The following MRPL3 variants were observed in gnomAD, a reference collection of about 807,000 sequenced individuals.
MRPL3 encodes the protein mitochondrial ribosomal protein L3, also known as large ribosomal subunit protein uL3m.
In MRPL3, 43 loss-of-function variants were observed where a neutral mutation model predicts 44.3. That is an observed-to-expected ratio of 0.97 (90% confidence interval 0.76 to 1.25). The LOEUF is 1.25. Ranked by LOEUF, MRPL3 falls within the 50% of genes most tolerant of loss-of-function variation. The probability of loss-of-function intolerance (pLI) is 0.00; values close to 1 mark genes in which losing one functional copy is unlikely to be tolerated. For synonymous variants in MRPL3, 171 were observed against 152.3 expected (o/e 1.12, Z -0.91); for missense variants, 406 against 427.6 (o/e 0.95, Z 0.45).
At position 131,502,639 on chromosome 3, in the gene MRPL3, C is replaced by T. The variant is rs1339465304; in HGVS notation, c.92+91G>A. ...TCCCACGTCTCAACAGAGCCCCTTC[C>T]TCCTCCACCCAGGGGAGGCCCAACT... On this transcript the variant is annotated intron_variant, in intron 1 of 9. Coordinates refer to ENST00000264995, the MANE Select transcript of MRPL3 (RefSeq NM_007208.4). 7 of 1,049,694 alleles carry T rather than the reference C, an allele frequency of 6.7e-6. No individual in the cohort carries two copies. The African/African-American group carries it at 8.1e-5, about 12-fold the overall frequency. The allele number at this position is 1,049,694 out of a possible 1,614,324, so 65.0% of individuals were successfully genotyped here.
intron 5 of MRPL3, 125 bp from the exon 6 acceptor site, chr3:131,487,865 C>A: frequency 1.5e-6 from 1 of 654,022 alleles, no homozygotes; most frequent in Non-Finnish European, 2.6e-6. Context: ...TTCTCTTCTG[C>A]AATTAGAAAC....
chr3:131,481,832 C>G (rs906436009), intron 6 of MRPL3, among the ~76,000 whole-genome samples: 2 of 152,112 alleles, frequency 1.3e-5, no homozygotes, highest in African/African-American at 4.8e-5. Context: ...CTTTGAATAC[C>G]CAGTACATAA....
At chr3:131,499,729 TATAATA>T (rs35694649) in intron 3 of MRPL3, among the ~76,000 whole-genome samples, 2 of 150,538 alleles carry the variant, frequency 1.3e-5, no homozygotes, top group African/African-American at 2.5e-5. Flanking sequence ...AGTATCTTTC[TATAATA>T]ATAATAATAA....
At chr3:131,482,469 C>T (rs867931747) in intron 6 of MRPL3, among the ~76,000 whole-genome samples, 43 of 150,576 alleles carry the variant, frequency 2.9e-4, no homozygotes, top group Middle Eastern at 3.4e-3. Context: ...GAGCCGAGAT[C>T]GTGCCACTGC....
At position 131,492,017 on chromosome 3, in the gene MRPL3, A is replaced by G. The variant is rs139556953; in HGVS notation, c.469-1937T>C. ...AAAAATGCACTCCCTTATTGGCCCA[A>G]GAACACATCAAACACTAGCCTCAAG... On this transcript the variant is annotated intron_variant, in intron 4 of 9. Transcript: ENST00000264995. Among the ~76,000 whole-genome samples the G allele has an allele frequency of 6.0e-3, 914 of 152,238 alleles. 2 individuals are homozygous for G. The highest frequency in any genetic ancestry group is 9.6e-3 in the Non-Finnish European group (653 of 68,020).
At chr3:131,493,975 T>A (rs909960539) in intron 4 of MRPL3, among the ~76,000 whole-genome samples, 1 of 152,234 alleles carries the variant, frequency 6.6e-6, no homozygotes, top group African/African-American at 2.4e-5. Context: ...CTTTAGTTAC[T>A]TGTTCAGTTT....
chr3:131,490,477 G>A (rs761403806), intron 4 of MRPL3, among the ~76,000 whole-genome samples: 8 of 152,180 alleles, frequency 5.3e-5, no homozygotes, highest in Non-Finnish European at 1.0e-4. Context: ...AACACGGTAT[G>A]TTACATTTAA....
At position 131,480,837 on chromosome 3, in the gene MRPL3, G is replaced by T. The variant is rs551232509; in HGVS notation, c.629+6843C>A. ...TATTATTTCTTTAGTATAGATAAGG[G>T]TGAGTTATGCCACTTGGAAAACTGA... On this transcript the variant is annotated intron_variant, in intron 6 of 9. Transcript: ENST00000264995. Among the ~76,000 whole-genome samples, 40 of 152,318 alleles carry T rather than the reference G, an allele frequency of 2.6e-4. No individual in the cohort carries two copies. The South Asian group carries it at 3.9e-3, about 15-fold the overall frequency.
rs1476518567 is a variant in MRPL3, at chr3:131,469,789, A to G, written c.739-16T>C. Reference sequence around the variant, plus strand: ...TGCCAATATCCTAAATGAGAAAACTAAAGTTAACACTTTTAAGTACTATCA... The same window carrying G: ...TGCCAATATCCTAAATGAGAAAACTGAAGTTAACACTTTTAAGTACTATCA... On this transcript the variant is annotated splice_polypyrimidine_tract_variant and intron_variant, in intron 7 of 9. Coordinates refer to ENST00000264995, the MANE Select transcript of MRPL3 (RefSeq NM_007208.4). The G allele has an allele frequency of 1.9e-6, 3 of 1,578,440 alleles. No individual in the cohort carries two copies. The highest frequency in any genetic ancestry group is 8.7e-7 in the Non-Finnish European group (1 of 1,149,608).
At chr3:131,502,297 G>A (rs1351987749) in intron 1 of MRPL3, among the ~76,000 whole-genome samples, 1 of 152,210 alleles carries the variant, frequency 6.6e-6, no homozygotes, top group Non-Finnish European at 1.5e-5. Flanking sequence ...CTCTCCTTTT[G>A]TAGTCAGATA....
chr3:131,491,379 G>C (rs950637933), intron 4 of MRPL3, among the ~76,000 whole-genome samples: 2 of 152,014 alleles, frequency 1.3e-5, no homozygotes, highest in East Asian at 3.9e-4. Flanking sequence ...CTACTCTCTC[G>C]GTTCTCATAT....
chr3:131,465,049 T>C (rs1486546598), intron 9 of MRPL3, among the ~76,000 whole-genome samples: 1 of 152,264 alleles, frequency 6.6e-6, no homozygotes, highest in Non-Finnish European at 1.5e-5. Flanking sequence ...CCTGGGCAGA[T>C]ACTTTAAGGT....
intron 6 of MRPL3, among the ~76,000 whole-genome samples, chr3:131,483,413 T>G (rs1319467185): frequency 6.6e-6 from 1 of 152,320 alleles, no homozygotes; most frequent in Middle Eastern, 3.4e-3. Context: ...ATTTATTAGA[T>G]GTAAAAATCT....
chr3:131,467,962 TGAGAAAAAGGAG>T, intron 9 of MRPL3, 117 bp downstream of exon 9: 1 of 457,838 alleles, frequency 2.2e-6, no homozygotes, highest in Non-Finnish European at 3.8e-6. Flanking sequence ...GCCACATATA[TGAGAAAAAGGAG>T]ACTTTATGGC....
chr3:131,487,481 C>A, intron 6 of MRPL3, 199 bp downstream of exon 6: 1 of 517,798 alleles, frequency 1.9e-6, no homozygotes, highest in South Asian at 2.7e-5. Context: ...AAAGCTATAA[C>A]CTGATGTGAA....
intron 6 of MRPL3, among the ~76,000 whole-genome samples, chr3:131,483,160 GT>G (rs1934032209): frequency 6.6e-6 from 1 of 152,042 alleles, no homozygotes; most frequent in South Asian, 2.1e-4. Context: ...ATGGGAAAAT[GT>G]TAGACTCTAA....
intron 5 of MRPL3, among the ~76,000 whole-genome samples, chr3:131,489,093 AC>A (rs1934192013): frequency 6.6e-6 from 1 of 152,134 alleles, no homozygotes; most frequent in Non-Finnish European, 1.5e-5. Flanking sequence ...ATGTGTTAAT[AC>A]CAAAGAGAAT....
intron 6 of MRPL3, among the ~76,000 whole-genome samples, chr3:131,484,310 G>T (rs778161489): frequency 5.9e-5 from 9 of 152,068 alleles, no homozygotes; most frequent in Non-Finnish European, 1.2e-4. Flanking sequence ...AAATTCTCAG[G>T]TATTAACCCC....
At chr3:131,489,893 T>C in intron 5 of MRPL3, 88 bp downstream of exon 5, 1 of 754,402 alleles carries the variant, frequency 1.3e-6, no homozygotes, top group South Asian at 1.6e-5. Context: ...CTTTGCATTT[T>C]AGATGTAGCT....
Sources: allele counts gnomAD v4.1 joint callset (sites outside exome capture counted in the v4.1 genomes callset), GRCh38; gene constraint gnomAD v4.1.1; transcripts MANE v1.5; gene names NCBI Gene and HGNC (gene_info 2026-07-23, HGNC 2026-07-21).